ZC3H7A: variants seen among roughly 807,000 people sequenced by gnomAD.
ZC3H7A encodes zinc finger CCCH domain-containing protein 7A.
In ZC3H7A, 44 loss-of-function variants were observed where a neutral mutation model predicts 125.5. The observed-to-expected ratio is 0.35, with a 90% CI of 0.28 to 0.45. The LOEUF is 0.45. ZC3H7A is among the 20% of genes least tolerant of loss of function. The probability of loss-of-function intolerance (pLI) is 1.00; values close to 1 mark genes in which losing one functional copy is unlikely to be tolerated. For missense variants in ZC3H7A, 977 were observed against 1,170.7 expected, an observed-to-expected ratio of 0.83 and a Z score of 2.41; for synonymous variants, 399 against 391.2, an observed-to-expected ratio of 1.02 and a Z score of -0.23.
At chr16:11,763,800 T>C (rs1443911371) in intron 15 of ZC3H7A, 141 bp from the exon 16 acceptor site, 1 of 227,816 alleles carries the variant, frequency 4.4e-6, no homozygotes, top group Non-Finnish European at 6.8e-6. Flanking sequence ...ATTTAAAATT[T>C]TTTTTTCTCT....
intron 10 of ZC3H7A, among the ~76,000 whole-genome samples, chr16:11,769,500 G>A (rs62040622): frequency 0.054 from 8,176 of 151,644 alleles, 358 homozygotes; most frequent in East Asian, 0.17. Flanking sequence ...TTGAGGTCAG[G>A]AGTTTGAGAC....
intron 20 of ZC3H7A, among the ~76,000 whole-genome samples, chr16:11,758,178 A>C (rs1473120649): frequency 6.6e-6 from 1 of 152,220 alleles, no homozygotes. Flanking sequence ...TATTACATGT[A>C]AGGATGCATG....
intron 20 of ZC3H7A, 85 bp from the exon 21 acceptor site, chr16:11,756,455 G>C (rs1024430637): frequency 1.3e-6 from 2 of 1,529,940 alleles, no homozygotes; most frequent in African/African-American, 1.4e-5. Context: ...GTAGCAGTCA[G>C]CATACAGTTC....
At chr16:11,751,924 G>A (rs1385451329) in intron 22 of ZC3H7A, among the ~76,000 whole-genome samples, 2 of 106,496 alleles carry the variant, frequency 1.9e-5, no homozygotes, top group Non-Finnish European at 4.0e-5. Context: ...TTTTTTTTGA[G>A]ACAGAGTCTC....
chr16:11,766,759 T>C (rs2052865930), intron 13 of ZC3H7A, among the ~76,000 whole-genome samples: 2 of 151,322 alleles, frequency 1.3e-5, no homozygotes, highest in African/African-American at 4.9e-5. Context: ...GGCGCATGCC[T>C]GTAATCCCAG....
At chr16:11,788,754 C>T (rs1458000936) in intron 1 of ZC3H7A, among the ~76,000 whole-genome samples, 1 of 151,856 alleles carries the variant, frequency 6.6e-6, no homozygotes, top group African/African-American at 2.4e-5. Flanking sequence ...TCTGGGGTTA[C>T]AGGTACGCAC....
chr16:11,768,516 A>C lies in ZC3H7A; in HGVS notation c.1174-15T>G. On this transcript the variant is annotated splice_polypyrimidine_tract_variant and intron_variant, in intron 11 of 22. Transcript: ENST00000355758. ...GGTCCATTCATCTGCAAGAAAAATA[A>C]GAAGAAAAAAAAAAAAAACAGCCAA... The C allele has an allele frequency of 7.2e-7, 1 of 1,397,298 alleles. No individual in the cohort carries two copies. The highest frequency in any genetic ancestry group is 9.3e-7 in the Non-Finnish European group (1 of 1,075,040). The allele number at this position is 1,397,298 out of a possible 1,614,324, so 86.6% of individuals were successfully genotyped here. A position where few individuals can be genotyped will look rare whatever the true frequency, so the allele number is the denominator to read the frequency against.
chr16:11,753,854 T>TCAA (rs367637226), intron 21 of ZC3H7A: 8 of 152,316 alleles, frequency 5.3e-5, no homozygotes, highest in African/African-American at 1.9e-4. Flanking sequence ...TTCACCAAGT[T>TCAA]GGCCAAGCTG....
intron 7 of ZC3H7A, among the ~76,000 whole-genome samples, chr16:11,776,086 A>G (rs948919659): frequency 4.6e-5 from 7 of 152,118 alleles, no homozygotes; most frequent in Non-Finnish European, 7.4e-5. Context: ...ACTTGAGCCC[A>G]GGAGGTGGAG....
intron 1 of ZC3H7A, among the ~76,000 whole-genome samples, chr16:11,786,792 T>C (rs2053263438): frequency 6.6e-6 from 1 of 152,214 alleles, no homozygotes; most frequent in South Asian, 2.1e-4. Flanking sequence ...ATTATAATAC[T>C]GTATGCCCAA....
chr16:11,770,017 G>A (rs1324302855), intron 10 of ZC3H7A, among the ~76,000 whole-genome samples: 5 of 151,472 alleles, frequency 3.3e-5, no homozygotes, highest in Non-Finnish European at 5.9e-5. Flanking sequence ...AAACTCCTGA[G>A]CTCAAGTGAT....
rs373680835 is a variant in ZC3H7A, at chr16:11,768,407, A to C, written c.1268T>G (p.Val423Gly). The C allele has an allele frequency of 6.3e-7, 1 of 1,596,964 alleles. No individual in the cohort carries two copies. Among genetic ancestry groups the C allele is most frequent in the East Asian group, 2.2e-5 (1 of 44,680 alleles). ...AGTCACTGATGAAGATGGTTTGGTA[A>C]CTGCACTTCCAAAAAAGTTTCCAAA... ...NDFGNFFGSA[V>G]TKPSSSVTPR... The change falls in exon 12 of 23, where the codon GTT becomes GGT. Residue 423 changes from valine to glycine, a missense_variant. By Grantham distance (109) the Val-to-Gly change is moderately radical. Transcript: ENST00000355758.
intron 1 of ZC3H7A, among the ~76,000 whole-genome samples, chr16:11,794,908 G>C (rs1482204651): frequency 2.0e-5 from 3 of 149,876 alleles, no homozygotes; most frequent in African/African-American, 7.4e-5. Context: ...GAGGGTGTAG[G>C]TCTGTGTAAA....
rs368388085 is a variant in ZC3H7A at position 11,795,759 on chromosome 16, C to T, written c.-35+1365G>A. On this transcript the variant is annotated intron_variant, in intron 1 of 22. Transcript: ENST00000355758. ...GGCCCGTATATGTCATTTTAAATTT[C>T]CAAATAGCCACACTAAAAAAAGAGA... 2.5e-4 allele frequency among the ~76,000 whole-genome samples: 38 copies of T among 152,094 alleles called. No individual in the cohort carries two copies. In the East Asian group the frequency reaches 2.5e-3, roughly 10 times the overall value.
Position 11,767,511 on chromosome 16 carries a change from G to T in ZC3H7A, c.1428C>A (p.Ile476=). ...IDHKCKKDIL[I]GRIKNVEDKS... ...TATCTTCAACATTCTTTATCCTACC[G>T]ATTAAAATATCTTTCTTACACTTAT... Residue 476 remains isoleucine (I), a synonymous_variant, in exon 13 of 23, where the codon ATC becomes ATA. Transcript: ENST00000355758. The T allele has an allele frequency of 1.2e-6, 2 of 1,610,494 alleles. No individual in the cohort carries two copies. Among genetic ancestry groups the T allele is most frequent in the Non-Finnish European group, 1.7e-6 (2 of 1,178,122 alleles).
Position 11,765,922 on chromosome 16 carries a change from T to G in ZC3H7A, c.1523-237A>C, listed in dbSNP as rs1567378870. Among the ~76,000 whole-genome samples, 1 of 152,136 alleles carries G rather than the reference T, an allele frequency of 6.6e-6. No homozygotes were observed. Among genetic ancestry groups the G allele is most frequent in the Non-Finnish European group, 1.5e-5 (1 of 68,014 alleles). On this transcript the variant is annotated intron_variant, in intron 13 of 22. Coordinates refer to ENST00000355758, the MANE Select transcript of ZC3H7A (RefSeq NM_014153.4). This position sits in a 1 kb window ranked among gnomAD's most constrained non-coding sequence, Gnocchi z 4.8. ...TTAAAGCCAATGAATATAAATAACATTTAGGGCATCATTTGAACTTGTCTA... is the reference window on the plus strand; with the variant it reads ...TTAAAGCCAATGAATATAAATAACAGTTAGGGCATCATTTGAACTTGTCTA...
intron 1 of ZC3H7A, chr16:11,782,767 A>C (rs2141210817): frequency 6.3e-6 from 1 of 159,234 alleles, no homozygotes; most frequent in South Asian, 1.7e-4. Flanking sequence ...GATGCCTGCG[A>C]CCACGCCTGG....
chr16:11,789,102 G>A (rs1361246039), intron 1 of ZC3H7A, among the ~76,000 whole-genome samples: 2 of 152,154 alleles, frequency 1.3e-5, no homozygotes, highest in East Asian at 1.9e-4. Flanking sequence ...TTATACTAAT[G>A]TCAATTTCCT....
chr16:11,776,281 T>TAA (rs34393518), intron 7 of ZC3H7A, 39 bp downstream of exon 7: 447 of 1,515,948 alleles, frequency 2.9e-4, no homozygotes, highest in Admixed American at 9.1e-4. Flanking sequence ...TCCTTCCCTT[T>TAA]AAAAAAAAAT....
Sources: gnomAD v4.1 joint callset for allele counts (sites outside exome capture counted in the v4.1 genomes callset) on GRCh38, gnomAD v4.1.1 for gene constraint, Gnocchi (gnomAD v3.1) non-coding constraint, MANE v1.5 for transcripts, NCBI Gene and HGNC (gene_info 2026-07-23, HGNC 2026-07-21) for gene names.